ELFN2: variants seen among roughly 807,000 people sequenced by gnomAD.
ELFN2 encodes the protein protein phosphatase 1 regulatory subunit 29.
In ELFN2, 17 loss-of-function variants were observed where a neutral mutation model predicts 45.5. The observed-to-expected ratio is 0.37, with a 90% CI of 0.26 to 0.56. The LOEUF is 0.56. Ranked by LOEUF, ELFN2 falls within the 20% of genes least tolerant of loss-of-function variation. The pLI is 0.77. For missense variants in ELFN2, 922 were observed against 1,183.2 expected (o/e 0.78, Z 3.24); for synonymous variants, 550 against 551.5 (o/e 1.00, Z 0.04).
intron 1 of ELFN2, among the ~76,000 whole-genome samples, chr22:37,420,765 A>C (rs1343936479): frequency 1.3e-5 from 2 of 152,200 alleles, no homozygotes; most frequent in African/African-American, 2.4e-5. Flanking sequence ...AGCAGCAGTC[A>C]ACGAAACGGA....
chr22:37,375,651 C>T lies in ELFN2; in HGVS notation c.-117G>A. 1.5e-6 allele frequency: 2 copies of T among 1,303,028 alleles called. No homozygotes were observed. The highest frequency in any genetic ancestry group is 3.1e-5 in the South Asian group (2 of 64,190). The allele number at this position is 1,303,028 out of a possible 1,614,324, so 80.7% of individuals were successfully genotyped here. ...CCACCATCTTGGGGGCGACCCCCAGCACGGGGGCCCCAGGCAAGGTGGGTA... is the reference window on the plus strand; with the variant it reads ...CCACCATCTTGGGGGCGACCCCCAGTACGGGGGCCCCAGGCAAGGTGGGTA... On this transcript the variant is annotated 5_prime_UTR_variant, in exon 3 of 3. Transcript: ENST00000402918.
intron 1 of ELFN2, among the ~76,000 whole-genome samples, chr22:37,349,171 C>T (rs1930765439): frequency 6.6e-6 from 1 of 151,282 alleles, no homozygotes; most frequent in Non-Finnish European, 1.5e-5. Context: ...AGCCCCGGCA[C>T]CAGGAGGCCT....
chr22:37,343,674 G>A (rs373747874), intron 1 of ELFN2, among the ~76,000 whole-genome samples: 74 of 151,946 alleles, frequency 4.9e-4, no homozygotes, highest in Non-Finnish European at 4.6e-4. Flanking sequence ...TGCAGAGAGC[G>A]GTCTTGGCTG....
In ELFN2 at chr22:37,417,343, C is replaced by T. The variant is rs374807807; in HGVS notation, c.-463+426G>A. 1.8e-4 allele frequency among the ~76,000 whole-genome samples: 27 copies of T among 152,192 alleles called. No homozygotes were observed. The highest frequency in any genetic ancestry group is 5.8e-4 in the African/African-American group (24 of 41,444). ...GCCTCTCTCTCTACAATGGACAGAC[C>T]CCCACCTGAGCGAGACCCCCACCAT... On this transcript the variant is annotated intron_variant, in intron 2 of 2. Coordinates refer to ENST00000402918, the MANE Select transcript of ELFN2 (RefSeq NM_052906.5). The surrounding 1 kb of genome is among the most constrained non-coding windows in gnomAD (Gnocchi z 4.5).
chr22:37,357,279 C>T (rs1159610785), intron 1 of ELFN2, among the ~76,000 whole-genome samples: 1 of 152,180 alleles, frequency 6.6e-6, no homozygotes, highest in African/African-American at 2.4e-5. Context: ...AGTACGGGGC[C>T]TCACGCTAGA....
At position 37,374,287 on chromosome 22, in the gene ELFN2, G is replaced by T; in HGVS notation, c.1248C>A (p.Tyr416Ter). 6.2e-7 allele frequency: 1 copy of T among 1,613,868 alleles called. No homozygotes were observed. Among genetic ancestry groups the T allele is most frequent in the Non-Finnish European group, 8.5e-7 (1 of 1,179,928 alleles). Reference sequence around the variant, plus strand: ...GCATGCGCCGCTTGCGCAGGCAGTAGTACACGGCTCCCAGCACGATAACCA... The same window carrying T: ...GCATGCGCCGCTTGCGCAGGCAGTATTACACGGCTCCCAGCACGATAACCA... ...FGMVIVLGAV[Y>*]YCLRKRRMQE... The change falls in exon 3 of 3, where the codon TAC (tyrosine) becomes TAA (stop). Residue 416 changes from tyrosine (Y) to a stop codon, truncating the protein, a stop_gained. Coordinates refer to ENST00000402918, the MANE Select transcript of ELFN2 (RefSeq NM_052906.5). LOFTEE classifies it high-confidence loss of function.
intron 2 of ELFN2, among the ~76,000 whole-genome samples, chr22:37,415,030 G>A (rs1932741059): frequency 6.6e-6 from 1 of 152,246 alleles, no homozygotes; most frequent in Non-Finnish European, 1.5e-5. Context: ...TACAGGTGAA[G>A]AAACTGAGGC....
intron 2 of ELFN2, among the ~76,000 whole-genome samples, chr22:37,382,879 T>C (rs926379552): frequency 1.1e-4 from 17 of 152,180 alleles, no homozygotes; most frequent in Non-Finnish European, 2.4e-4. Context: ...CTCTGATTAC[T>C]AGAAATTTCT....
At position 37,374,317 on chromosome 22, in the gene ELFN2, A is replaced by G. The variant is rs7292751; in HGVS notation, c.1218T>C (p.Phe406=). 0.4 allele frequency: 639,453 copies of G among 1,613,710 alleles called. 132,316 individuals carry two copies. Among genetic ancestry groups the G allele is most frequent in the Admixed American group, 0.65 (38,756 of 60,016 alleles). ...HYIMTILGCL[F]GMVIVLGAVY... ...CGGCTCCCAGCACGATAACCATGCC[A>G]AAGAGGCAGCCCAGGATGGTCATGA... Residue 406 remains phenylalanine (F), a synonymous_variant, in exon 3 of 3, where the codon TTT becomes TTC. Transcript: ENST00000402918.
At chr22:37,426,716 A>T (rs1429682086) in intron 1 of ELFN2, among the ~76,000 whole-genome samples, 1 of 151,860 alleles carries the variant, frequency 6.6e-6, no homozygotes, top group Non-Finnish European at 1.5e-5. Flanking sequence ...TCTGCGATTT[A>T]TGCCGCCTCC....
At chr22:37,397,435 G>A (rs1932243791) in intron 2 of ELFN2, among the ~76,000 whole-genome samples, 1 of 152,182 alleles carries the variant, frequency 6.6e-6, no homozygotes, top group African/African-American at 2.4e-5. Context: ...TGACAGCCAG[G>A]CCTCCCAGCT....
At chr22:37,376,131 G>A (rs1178830802) in intron 2 of ELFN2, 135 bp from the exon 3 acceptor site, 1 of 146,842 alleles carries the variant, frequency 6.8e-6, no homozygotes, top group African/African-American at 2.5e-5. Flanking sequence ...CACTCTGGGG[G>A]TCCCTGTTAC....
intron 1 of ELFN2, among the ~76,000 whole-genome samples, chr22:37,419,587 C>T (rs904301975): frequency 1.3e-5 from 2 of 152,086 alleles, no homozygotes; most frequent in Non-Finnish European, 1.5e-5. Context: ...CCAGGGGCAC[C>T]GTGGACTGCC....
intron 1 of ELFN2, among the ~76,000 whole-genome samples, chr22:37,422,814 C>T (rs969464097): frequency 1.3e-5 from 2 of 151,906 alleles, no homozygotes; most frequent in East Asian, 2.0e-4. Context: ...AGGCTGGTCT[C>T]GAACTCCTGA....
chr22:37,415,887 C>T (rs569141995), intron 2 of ELFN2, among the ~76,000 whole-genome samples: 32 of 152,302 alleles, frequency 2.1e-4, no homozygotes, highest in African/African-American at 7.0e-4. Flanking sequence ...CGCTTGAACC[C>T]GGGAGACGGA....
chr22:37,403,498 A>G (rs6000716), intron 2 of ELFN2, among the ~76,000 whole-genome samples: 76,674 of 152,014 alleles, frequency 0.5, 20,114 homozygotes, highest in African/African-American at 0.65. Flanking sequence ...AATTAATTCC[A>G]ACTCCATCTG....
chr22:37,405,233 T>C (rs1012097243), intron 2 of ELFN2, among the ~76,000 whole-genome samples: 7 of 151,904 alleles, frequency 4.6e-5, no homozygotes, highest in African/African-American at 1.2e-4. Flanking sequence ...GCTGGGATTA[T>C]AGGTGCATTC....
At chr22:37,391,338 C>T (rs1272529947) in intron 2 of ELFN2, among the ~76,000 whole-genome samples, 2 of 152,172 alleles carry the variant, frequency 1.3e-5, no homozygotes, top group African/African-American at 4.8e-5. Context: ...AAACCCAGGG[C>T]CCGGCACCGT....
At chr22:37,422,334 A>G (rs1932814648) in intron 1 of ELFN2, among the ~76,000 whole-genome samples, 1 of 152,020 alleles carries the variant, frequency 6.6e-6, no homozygotes, top group Non-Finnish European at 1.5e-5. Context: ...TCTCTTACCT[A>G]ACCTTTAGCA....
Sources: allele counts gnomAD v4.1 joint callset (sites outside exome capture counted in the v4.1 genomes callset), GRCh38; gene constraint gnomAD v4.1.1; non-coding constraint Gnocchi (gnomAD v3.1); transcripts MANE v1.5; gene names NCBI Gene and HGNC (gene_info 2026-07-23, HGNC 2026-07-21).